Variants in KCNK3 observed in about 807,000 individuals in gnomAD.
The protein encoded by KCNK3 is potassium two pore domain channel subfamily K member 3.
A neutral mutation model predicts 27.3 loss-of-function variants in KCNK3; 9 were observed. The observed-to-expected ratio is 0.33, with a 90% CI of 0.20 to 0.57. KCNK3 has a LOEUF of 0.57. KCNK3 is among the 20% of genes least tolerant of loss of function. KCNK3 has a pLI of 0.87. For missense variants in KCNK3, 391 were observed against 577.7 expected (o/e 0.68, Z 3.31); for synonymous variants, 278 against 273.8 (o/e 1.02, Z -0.15).
intron 1 of KCNK3, among the ~76,000 whole-genome samples, chr2:26,699,269 G>T (rs1476844167): frequency 6.6e-6 from 1 of 151,812 alleles, no homozygotes; most frequent in Non-Finnish European, 1.5e-5. Context: ...CAAGGAGAAA[G>T]GTACACGGTG....
At chr2:26,724,665 G>A (rs909821198) in intron 1 of KCNK3, 19 of 969,832 alleles carry the variant, frequency 2.0e-5, no homozygotes, top group Non-Finnish European at 2.2e-5. Context: ...AGGGCTGCCT[G>A]GACAGGGCAG....
At chr2:26,726,293 A>T (rs1467729791) in intron 1 of KCNK3, among the ~76,000 whole-genome samples, 1 of 152,058 alleles carries the variant, frequency 6.6e-6, no homozygotes, top group Non-Finnish European at 1.5e-5. Flanking sequence ...CTTCCCCCCA[A>T]AGCTAGTGTT....
At chr2:26,702,112 C>T (rs1670315232) in intron 1 of KCNK3, among the ~76,000 whole-genome samples, 2 of 152,188 alleles carry the variant, frequency 1.3e-5, no homozygotes, top group Non-Finnish European at 2.9e-5. Flanking sequence ...TCTCCTTCTA[C>T]CCTCCACCCT....
chr2:26,705,919 G>A (rs1312056210), intron 1 of KCNK3, among the ~76,000 whole-genome samples: 1 of 152,162 alleles, frequency 6.6e-6, no homozygotes, highest in East Asian at 1.9e-4. Context: ...GAGTAGGGAG[G>A]TTACCCCCGT....
chr2:26,709,370 C>T (rs1302502083), intron 1 of KCNK3, among the ~76,000 whole-genome samples: 1 of 152,056 alleles, frequency 6.6e-6, no homozygotes, highest in Non-Finnish European at 1.5e-5. Flanking sequence ...GCCCTTCCTC[C>T]AGTGCTGGGA....
chr2:26,729,749 T>C lies in KCNK3; in HGVS notation c.*1181T>C, dbSNP rs1663502201. ...GACTTGGGAGGCTGAGGTGGGAGGATTGTTTGAGCCTGGGAGGTCGAGGCT... is the reference window on the plus strand; with the variant it reads ...GACTTGGGAGGCTGAGGTGGGAGGACTGTTTGAGCCTGGGAGGTCGAGGCT... On this transcript the variant is annotated 3_prime_UTR_variant, in exon 2 of 2. Transcript: ENST00000302909. The C allele has an allele frequency of 6.6e-6, 1 of 151,188 alleles. No homozygotes were observed. Among genetic ancestry groups the C allele is most frequent in the Non-Finnish European group, 1.5e-5 (1 of 67,992 alleles). 9.4% of individuals were successfully genotyped at this position (151,188 alleles called of 1,614,324 possible). A position where few individuals can be genotyped will look rare whatever the true frequency, so the allele number is the denominator to read the frequency against.
Position 26,692,842 on chromosome 2 carries a change from G to C in KCNK3, c.-34G>C. Reference sequence around the variant, plus strand: ...GCCGGGGCCGAGGCGCGGGCCGGGGGCGCCGGGGGGCCGGCGGCGGCCCGG... The same window carrying C: ...GCCGGGGCCGAGGCGCGGGCCGGGGCCGCCGGGGGGCCGGCGGCGGCCCGG... On this transcript the variant is annotated 5_prime_UTR_variant, in exon 1 of 2. Transcript: ENST00000302909. This position sits in a 1 kb window ranked among gnomAD's most constrained non-coding sequence, Gnocchi z 5.6. 8.5e-7 allele frequency: 1 copy of C among 1,172,554 alleles called. No homozygotes were observed. 72.6% of individuals were successfully genotyped at this position (1,172,554 alleles called of 1,614,324 possible). A position where few individuals can be genotyped will look rare whatever the true frequency, so the allele number is the denominator to read the frequency against.
At chr2:26,696,544 C>A (rs1670237424) in intron 1 of KCNK3, among the ~76,000 whole-genome samples, 1 of 152,198 alleles carries the variant, frequency 6.6e-6, no homozygotes, top group Admixed American at 6.5e-5. Context: ...TAGTCATTCA[C>A]CTGGTTAGTC....
chr2:26,716,733 C>T (rs919648128), intron 1 of KCNK3, among the ~76,000 whole-genome samples: 1 of 152,160 alleles, frequency 6.6e-6, no homozygotes, highest in African/African-American at 2.4e-5. Context: ...GAGCAACTAG[C>T]GATTTACTCA....
At chr2:26,696,101 A>G (rs1670232009) in intron 1 of KCNK3, among the ~76,000 whole-genome samples, 1 of 152,242 alleles carries the variant, frequency 6.6e-6, no homozygotes, top group African/African-American at 2.4e-5. Context: ...GAAAACATGA[A>G]TGAGTCTCAT....
Position 26,693,163 on chromosome 2 carries a change from C to T in KCNK3, c.283+5C>T. The T allele has an allele frequency of 2.0e-6, 3 of 1,502,216 alleles. No homozygotes were observed. The highest frequency in any genetic ancestry group is 2.7e-6 in the Non-Finnish European group (3 of 1,117,586). 93.1% of individuals were successfully genotyped at this position (1,502,216 alleles called of 1,614,324 possible). A position where few individuals can be genotyped will look rare whatever the true frequency, so the allele number is the denominator to read the frequency against. ...TCACCGTCATCACCACCATCGGTAA[C>T]GGCTCGCCGGGCGGGGGGCGGGAAC... is the stretch of plus-strand genomic sequence containing the variant. On this transcript the variant is annotated splice_donor_5th_base_variant and intron_variant, in intron 1 of 1. Coordinates refer to ENST00000302909, the MANE Select transcript of KCNK3 (RefSeq NM_002246.3). The surrounding 1 kb of genome is among the most constrained non-coding windows in gnomAD (Gnocchi z 5.5).
intron 1 of KCNK3, among the ~76,000 whole-genome samples, chr2:26,723,639 C>A (rs1663361172): frequency 6.6e-6 from 1 of 152,212 alleles, no homozygotes; most frequent in African/African-American, 2.4e-5. Context: ...CTGGCATTCA[C>A]AAGCTGTGTG....
intron 1 of KCNK3, among the ~76,000 whole-genome samples, chr2:26,720,330 G>A (rs1663305654): frequency 6.6e-6 from 1 of 152,184 alleles, no homozygotes; most frequent in South Asian, 2.1e-4. Context: ...TCGCTCCTAA[G>A]GTCCCTATCC....
At position 26,727,911 on chromosome 2, in the gene KCNK3, C is replaced by T. The variant is rs770611013; in HGVS notation, c.528C>T (p.Ala176=). The part of the protein sequence containing the change: ...SCISTLCIGA[A]AFSHYEHWTF... ...TCAGCACGCTGTGCATCGGCGCCGC[C>T]GCCTTCTCCCACTACGAGCACTGGA... Residue 176 remains alanine (A), a synonymous_variant, in exon 2 of 2, where the codon GCC becomes GCT. Transcript: ENST00000302909. The T allele has an allele frequency of 2.5e-6, 4 of 1,614,104 alleles. No individual in the cohort carries two copies. The highest frequency in any genetic ancestry group is 2.7e-5 in the African/African-American group (2 of 74,952).
intron 1 of KCNK3, among the ~76,000 whole-genome samples, chr2:26,718,450 G>A (rs951943902): frequency 1.1e-4 from 17 of 151,960 alleles, no homozygotes; most frequent in Non-Finnish European, 4.4e-5. Flanking sequence ...AATATTCATC[G>A]TTTTCTACTT....
intron 1 of KCNK3, among the ~76,000 whole-genome samples, chr2:26,700,794 G>GTC (rs1012418680): frequency 3.6e-4 from 55 of 151,016 alleles, no homozygotes; most frequent in African/African-American, 1.3e-3. Flanking sequence ...CTCTCTCTCT[G>GTC]TCTCTCTCTC....
chr2:26,725,738 G>A (rs1308242168), intron 1 of KCNK3, among the ~76,000 whole-genome samples: 1 of 152,204 alleles, frequency 6.6e-6, no homozygotes, highest in Non-Finnish European at 1.5e-5. Flanking sequence ...CCGACGCTGT[G>A]GAGGGGGTCA....
At chr2:26,711,003 A>G (rs1304509380) in intron 1 of KCNK3, among the ~76,000 whole-genome samples, 1 of 152,188 alleles carries the variant, frequency 6.6e-6, no homozygotes, top group Non-Finnish European at 1.5e-5. Context: ...GGAATGGAGC[A>G]GGGCAAAATG....
At chr2:26,699,207 G>GAGAGAGAAAGAAAGAAAGAA (rs1553384399) in intron 1 of KCNK3, among the ~76,000 whole-genome samples, 2 of 130,966 alleles carry the variant, frequency 1.5e-5, no homozygotes, top group African/African-American at 2.9e-5. Flanking sequence ...AGGAAAGAGA[G>GAGAGAGAAAGAAAGAAAGAA]AGAAAGAAAG....
Sources: allele counts gnomAD v4.1 joint callset (sites outside exome capture counted in the v4.1 genomes callset), GRCh38; gene constraint gnomAD v4.1.1; non-coding constraint Gnocchi (gnomAD v3.1); transcripts MANE v1.5; gene names NCBI Gene and HGNC (gene_info 2026-07-23, HGNC 2026-07-21).